NELL2: variants seen among roughly 807,000 people sequenced by gnomAD.
NELL2 encodes neural EGFL like 2.
In NELL2, 41 loss-of-function variants were observed where a neutral mutation model predicts 109.6. The observed-to-expected ratio is 0.37, with a 90% CI of 0.29 to 0.49. The LOEUF (loss-of-function observed/expected upper bound fraction) is 0.49. NELL2 is among the 20% of genes least tolerant of loss of function. The pLI is 0.98. For synonymous variants in NELL2, 355 were observed against 344.7 expected, an observed-to-expected ratio of 1.03 and a Z score of -0.33; for missense variants, 900 against 1,008.3, an observed-to-expected ratio of 0.89 and a Z score of 1.45.
At chr12:44,644,401 A>T (rs1223921995) in intron 13 of NELL2, among the ~76,000 whole-genome samples, 1 of 151,532 alleles carries the variant, frequency 6.6e-6, no homozygotes, top group African/African-American at 2.4e-5. Context: ...TTGCTATTTA[A>T]AAGGTATGCC....
rs541682914 is a variant in NELL2 at position 44,811,013 on chromosome 12, C to A, written c.335+4973G>T. Among the ~76,000 whole-genome samples, 23 of 152,110 alleles carry A rather than the reference C, an allele frequency of 1.5e-4. 1 individual carries two copies. In the South Asian group the frequency reaches 4.8e-3, roughly 32 times the overall value. On this transcript the variant is annotated intron_variant, in intron 3 of 19. Coordinates refer to ENST00000429094, the MANE Select transcript of NELL2 (RefSeq NM_001145108.2). ...ATGCGGCCATAAAAAAGAATGAGTT[C>A]ATGTCCTTTGCAGGGACATGGATGA...
chr12:44,742,640 C>T (rs1447214577), intron 9 of NELL2, among the ~76,000 whole-genome samples: 1 of 151,064 alleles, frequency 6.6e-6, no homozygotes, highest in African/African-American at 2.4e-5. Flanking sequence ...AAAACCAAGA[C>T]ACTACGTGAC....
At chr12:44,882,403 CAT>C (rs35681023) in intron 1 of NELL2, among the ~76,000 whole-genome samples, 2,159 of 150,672 alleles carry the variant, frequency 0.014, 30 homozygotes, top group Admixed American at 0.052. Flanking sequence ...TACATATACA[CAT>C]ATGTATATAT....
intron 15 of NELL2, among the ~76,000 whole-genome samples, chr12:44,557,545 G>A (rs769708234): frequency 1.1e-4 from 17 of 152,162 alleles, no homozygotes; most frequent in Non-Finnish European, 2.2e-4. Context: ...AAGACTTGGT[G>A]ACTAACTGAC....
intron 13 of NELL2, among the ~76,000 whole-genome samples, chr12:44,618,039 T>C (rs952684599): frequency 6.6e-6 from 1 of 152,202 alleles, no homozygotes; most frequent in Non-Finnish European, 1.5e-5. Flanking sequence ...CTATTCATTT[T>C]GTTTCTTGTG....
chr12:44,766,474 A>C (rs1305821768), intron 9 of NELL2, among the ~76,000 whole-genome samples: 4 of 152,204 alleles, frequency 2.6e-5, no homozygotes, highest in African/African-American at 4.8e-5. Context: ...TAAATTGCAT[A>C]TGTCTCATTC....
chr12:44,799,145 A>G (rs968133497), intron 3 of NELL2, among the ~76,000 whole-genome samples: 2 of 151,714 alleles, frequency 1.3e-5, no homozygotes, highest in Non-Finnish European at 2.9e-5. Context: ...TTTTTAGTAG[A>G]GATGGGGTTT....
chr12:44,805,473 G>T (rs1486774518), intron 3 of NELL2, among the ~76,000 whole-genome samples: 1 of 151,876 alleles, frequency 6.6e-6, no homozygotes, highest in Non-Finnish European at 1.5e-5. Context: ...TTACAAATCA[G>T]TGAGAAAACA....
chr12:44,644,604 G>GTATATATATATATATATATATA (rs1555190872), intron 13 of NELL2, among the ~76,000 whole-genome samples: 7 of 81,224 alleles, frequency 8.6e-5, no homozygotes, highest in Admixed American at 1.5e-4. Context: ...ATATATATAT[G>GTATATATATATATATATATATA]TATGTATATA....
chr12:44,611,467 T>G (rs1360322635), intron 13 of NELL2, among the ~76,000 whole-genome samples: 1 of 152,122 alleles, frequency 6.6e-6, no homozygotes, highest in African/African-American at 2.4e-5. Flanking sequence ...AAGATACTTA[T>G]GCTAACTGTC....
chr12:44,840,559 C>T (rs565888849), intron 2 of NELL2, among the ~76,000 whole-genome samples: 348 of 152,098 alleles, frequency 2.3e-3, no homozygotes, highest in African/African-American at 7.9e-3. Flanking sequence ...ATGGTGAGAA[C>T]CCGGGAGGCG....
intron 1 of NELL2, among the ~76,000 whole-genome samples, chr12:44,887,897 A>C (rs1945492422): frequency 6.6e-6 from 1 of 151,940 alleles, no homozygotes; most frequent in Non-Finnish European, 1.5e-5. Context: ...CTTACACAAA[A>C]ACTCTTTGCT....
chr12:44,866,816 T>C lies in NELL2; in HGVS notation c.184+8409A>G, dbSNP rs374281013. 1.0e-3 allele frequency among the ~76,000 whole-genome samples: 153 copies of C among 151,936 alleles called. 1 individual carries two copies. The highest frequency in any genetic ancestry group is 3.4e-3 in the African/African-American group (142 of 41,452). On this transcript the variant is annotated intron_variant, in intron 2 of 19. Transcript: ENST00000429094. ...GACATTATTACTGATACCACAGAAA[T>C]ACAAAACATCATGAGACTACTATAA...
At chr12:44,854,684 GTGGA>G (rs1423745109) in intron 2 of NELL2, among the ~76,000 whole-genome samples, 1 of 140,810 alleles carries the variant, frequency 7.1e-6, no homozygotes, top group African/African-American at 2.6e-5. Context: ...GGATGGATGG[GTGGA>G]TGGATGGGTG....
In NELL2 at chr12:44,776,004, C is replaced by T. The variant is rs751484656; in HGVS notation, c.891+18G>A. The stretch of plus-strand genomic sequence containing the variant: ...AGCATCTGAGTTCCCTTAGTCTCAA[C>T]TCAAATAGAAGCCATACCAGGCATG... On this transcript the variant is annotated intron_variant, in intron 8 of 19. Coordinates refer to ENST00000429094, the MANE Select transcript of NELL2 (RefSeq NM_001145108.2). 13 of 1,608,540 alleles carry T rather than the reference C, an allele frequency of 8.1e-6. No individual in the cohort carries two copies. The highest frequency in any genetic ancestry group is 1.1e-5 in the Non-Finnish European group (13 of 1,178,436).
At chr12:44,643,185 T>A (rs1223508067) in intron 13 of NELL2, among the ~76,000 whole-genome samples, 2 of 152,130 alleles carry the variant, frequency 1.3e-5, no homozygotes, top group Non-Finnish European at 2.9e-5. Context: ...AAGAATATTA[T>A]CAGGGAGGAT....
chr12:44,915,951 G>GC (rs1475486845), upstream of NELL2, among the ~76,000 whole-genome samples: 1 of 152,206 alleles, frequency 6.6e-6, no homozygotes, highest in Non-Finnish European at 1.5e-5. Flanking sequence ...GCTGAAAGAT[G>GC]CCTAGGTTCA....
chr12:44,749,503 A>G (rs966431543), intron 9 of NELL2, among the ~76,000 whole-genome samples: 9 of 152,150 alleles, frequency 5.9e-5, no homozygotes, highest in African/African-American at 1.4e-4. Context: ...CAGGTGTCAG[A>G]TGACACCTCT....
chr12:44,551,709 G>A (rs1943050145), intron 15 of NELL2, among the ~76,000 whole-genome samples: 1 of 152,158 alleles, frequency 6.6e-6, no homozygotes, highest in African/African-American at 2.4e-5. Context: ...GTGGTTTGAT[G>A]AGGAGATGAT....
Sources: gnomAD v4.1 joint callset for allele counts (sites outside exome capture counted in the v4.1 genomes callset) on GRCh38, gnomAD v4.1.1 for gene constraint, MANE v1.5 for transcripts, NCBI Gene and HGNC (gene_info 2026-07-23, HGNC 2026-07-21) for gene names.